Variants in HNF4G observed in about 807,000 individuals in gnomAD.
HNF4G encodes the protein hepatocyte nuclear factor 4 gamma.
HNF4G carries 21 observed loss-of-function variants against 50.9 expected under a neutral mutation model. That is an observed-to-expected ratio of 0.41 (90% confidence interval 0.29 to 0.59). The LOEUF (loss-of-function observed/expected upper bound fraction) is 0.59. HNF4G is among the 20% of genes least tolerant of loss of function. The pLI is 0.26. For missense variants in HNF4G, 527 were observed against 559.4 expected, an observed-to-expected ratio of 0.94 and a Z score of 0.58; for synonymous variants, 198 against 185.6, an observed-to-expected ratio of 1.07 and a Z score of -0.54.
chr8:75,427,587 AAAAT>A (rs1348943719), intron 1 of HNF4G, among the ~76,000 whole-genome samples: 8 of 151,842 alleles, frequency 5.3e-5, no homozygotes, highest in South Asian at 2.1e-4. Flanking sequence ...AAAAAAAAAT[AAAAT>A]AAATAAAATA....
At chr8:75,468,423 C>T (rs1019251767) in intron 1 of HNF4G, among the ~76,000 whole-genome samples, 33 of 152,248 alleles carry the variant, frequency 2.2e-4, no homozygotes, top group African/African-American at 3.1e-4. Flanking sequence ...GGGCTGGGCA[C>T]GGTGGCTCAT....
chr8:75,509,853 C>T (rs548977323), intron 2 of HNF4G, among the ~76,000 whole-genome samples: 2 of 152,208 alleles, frequency 1.3e-5, no homozygotes, highest in African/African-American at 4.8e-5. Context: ...CAATTAGGTA[C>T]AGTGCCTAAC....
chr8:75,558,577 C>A lies in HNF4G; in HGVS notation c.793C>A (p.Arg265Ser), dbSNP rs936220357. ...CEVEISRVAN[R>S]VLDELVRPFQ... ...AGTTGAGATTAGCCGTGTGGCCAAT[C>A]GTGTTCTAGATGAGCTGGTTAGACC... The change falls in exon 7 of 10, where the codon CGT becomes AGT. Residue 265 changes from arginine to serine, a missense_variant. Arg to Ser is a moderately radical substitution (Grantham distance 110, BLOSUM62 -1). This residue lies in a region of HNF4G where 308 missense variants were observed against 301.5 expected (regional missense o/e 1.02). Transcript: ENST00000396423. 6.2e-7 allele frequency: 1 copy of A among 1,613,774 alleles called. No individual in the cohort carries two copies. Among genetic ancestry groups the A allele is most frequent in the Non-Finnish European group, 8.5e-7 (1 of 1,179,742 alleles).
intron 1 of HNF4G, among the ~76,000 whole-genome samples, chr8:75,451,951 A>G (rs1811596211): frequency 6.6e-6 from 1 of 152,316 alleles, no homozygotes; most frequent in South Asian, 2.1e-4. Flanking sequence ...TTCATGCACA[A>G]TGTCTGAAGG....
intron 1 of HNF4G, among the ~76,000 whole-genome samples, chr8:75,464,124 T>C (rs555698739): frequency 6.6e-6 from 1 of 152,214 alleles, no homozygotes; most frequent in Admixed American, 6.5e-5. Flanking sequence ...AAACCACAAA[T>C]ATTATTTGAT....
At chr8:75,441,406 C>A (rs6983763) in intron 1 of HNF4G, among the ~76,000 whole-genome samples, 1,801 of 152,000 alleles carry the variant, frequency 0.012, 39 homozygotes, top group African/African-American at 0.039. Context: ...CCACCACACC[C>A]GGCTAATATT....
chr8:75,436,793 C>T (rs1398146811), intron 1 of HNF4G, among the ~76,000 whole-genome samples: 1 of 151,658 alleles, frequency 6.6e-6, no homozygotes, highest in Non-Finnish European at 1.5e-5. Context: ...CCTGTAATCT[C>T]AGCACTTTGG....
intron 1 of HNF4G, among the ~76,000 whole-genome samples, chr8:75,414,880 A>T (rs1219131985): frequency 3.3e-5 from 5 of 152,176 alleles, no homozygotes; most frequent in Admixed American, 1.3e-4. Context: ...CTTGGTGTGT[A>T]CACTTACATT....
At chr8:75,475,272 T>C (rs1372228632) in intron 1 of HNF4G, among the ~76,000 whole-genome samples, 2 of 152,320 alleles carry the variant, frequency 1.3e-5, no homozygotes, top group Admixed American at 6.5e-5. Flanking sequence ...CCTCCCAAAG[T>C]GTTGGGATCA....
chr8:75,483,375 C>T (rs1812424233), intron 1 of HNF4G, among the ~76,000 whole-genome samples: 1 of 151,982 alleles, frequency 6.6e-6, no homozygotes, highest in Admixed American at 6.6e-5. Flanking sequence ...TTCTCTGCAT[C>T]TTTTCTCTTT....
chr8:75,442,555 A>G (rs1415296552), intron 1 of HNF4G, among the ~76,000 whole-genome samples: 2 of 152,098 alleles, frequency 1.3e-5, no homozygotes, highest in African/African-American at 4.8e-5. Flanking sequence ...CTTGGGCAAC[A>G]GAGAGAGACC....
At chr8:75,444,924 C>T (rs1242528542) in intron 1 of HNF4G, among the ~76,000 whole-genome samples, 89 of 135,498 alleles carry the variant, frequency 6.6e-4, no homozygotes, top group Admixed American at 1.3e-3. Context: ...CTGCACCAAG[C>T]GGACCTAATA....
At chr8:75,420,007 A>T (rs1180249867) in intron 1 of HNF4G, among the ~76,000 whole-genome samples, 3 of 152,186 alleles carry the variant, frequency 2.0e-5, no homozygotes, top group Admixed American at 6.5e-5. Context: ...TTGCTTAACC[A>T]ACTGAAATAT....
chr8:75,434,089 C>T (rs1012272938), intron 1 of HNF4G, among the ~76,000 whole-genome samples: 6 of 147,140 alleles, frequency 4.1e-5, no homozygotes, highest in African/African-American at 7.6e-5. Flanking sequence ...CTACAACCTC[C>T]GCTTCCCAGG....
At chr8:75,532,891 G>A (rs1175101638) in intron 2 of HNF4G, among the ~76,000 whole-genome samples, 2 of 151,958 alleles carry the variant, frequency 1.3e-5, no homozygotes, top group African/African-American at 4.8e-5. Flanking sequence ...CTATTTCTCA[G>A]TCCAGCTTCA....
At chr8:75,529,198 G>A (rs1004343123) in intron 2 of HNF4G, among the ~76,000 whole-genome samples, 2 of 152,146 alleles carry the variant, frequency 1.3e-5, no homozygotes, top group South Asian at 4.1e-4. Context: ...GGCTGAGGCA[G>A]GAGAATGGCG....
intron 1 of HNF4G, among the ~76,000 whole-genome samples, chr8:75,430,475 AGAG>A (rs1810985770): frequency 2.9e-5 from 1 of 34,174 alleles, no homozygotes; most frequent in East Asian, 5.1e-4. Context: ...GGTAGGGAGT[AGAG>A]AGAGAGAGAG....
At chr8:75,496,613 A>G (rs1015034093) in intron 2 of HNF4G, among the ~76,000 whole-genome samples, 5 of 152,034 alleles carry the variant, frequency 3.3e-5, no homozygotes, top group Admixed American at 2.0e-4. Context: ...CTTACCACTT[A>G]ATTTATTAAA....
intron 1 of HNF4G, among the ~76,000 whole-genome samples, chr8:75,484,085 A>C (rs904018609): frequency 2.0e-5 from 3 of 152,226 alleles, no homozygotes; most frequent in African/African-American, 7.2e-5. Context: ...TGTTTTAATG[A>C]AAGAAAATAT....
Sources: gnomAD v4.1 joint callset for allele counts (sites outside exome capture counted in the v4.1 genomes callset) on GRCh38, gnomAD v4.1.1 for gene constraint, gnomAD v4.1.1 regional missense constraint, MANE v1.5 for transcripts, NCBI Gene and HGNC (gene_info 2026-07-23, HGNC 2026-07-21) for gene names.